LMCD1: variants seen among roughly 807,000 people sequenced by gnomAD.
LMCD1 encodes LIM and cysteine rich domains 1.
In LMCD1, 32 loss-of-function variants were observed where a neutral mutation model predicts 42.7. That is an observed-to-expected ratio of 0.75 (90% confidence interval 0.57 to 1.01). The LOEUF (loss-of-function observed/expected upper bound fraction) is 1.01, where lower values mean the gene tolerates loss of function less well. Ranked by LOEUF, LMCD1 falls within the 50% of genes least tolerant of loss-of-function variation. LMCD1 has a pLI of 0.00. For synonymous variants in LMCD1, 178 were observed against 184.9 expected (o/e 0.96, Z 0.30); for missense variants, 458 against 483.1 (o/e 0.95, Z 0.49).
Position 8,570,439 on chromosome 3 carries a change from C to T in LMCD1, c.*2841C>T, listed in dbSNP as rs1055214651. 6.6e-6 allele frequency: 1 copy of T among 152,364 alleles called. No homozygotes were observed. Among genetic ancestry groups the T allele is most frequent in the Non-Finnish European group, 1.5e-5 (1 of 68,140 alleles). 9.4% of individuals were successfully genotyped at this position (152,364 alleles called of 1,614,324 possible). ...CACCATCATGGATGGGCATTATCTC[C>T]CACAACAGTCCCCATGGGGCACCAC... On this transcript the variant is annotated 3_prime_UTR_variant, in exon 6 of 6. Transcript: ENST00000157600.
chr3:8,545,188 C>T (rs1319362350), intron 3 of LMCD1, among the ~76,000 whole-genome samples: 2 of 151,988 alleles, frequency 1.3e-5, no homozygotes, highest in African/African-American at 2.4e-5. Flanking sequence ...TTTAATTATA[C>T]TTTTCTAAGA....
intron 4 of LMCD1, among the ~76,000 whole-genome samples, chr3:8,551,624 C>G (rs1265013173): frequency 6.6e-6 from 1 of 152,200 alleles, no homozygotes; most frequent in African/African-American, 2.4e-5. Context: ...CCTTATTTAA[C>G]TCCCTTTTTA....
In LMCD1 at chr3:8,568,330, A is replaced by G. The variant is rs1347324870; in HGVS notation, c.*732A>G. The G allele has an allele frequency of 6.6e-6, 1 of 152,200 alleles. No homozygotes were observed. Among genetic ancestry groups the G allele is most frequent in the Non-Finnish European group, 1.5e-5 (1 of 68,060 alleles). The allele number at this position is 152,200 out of a possible 1,614,324, so 9.4% of individuals were successfully genotyped here. A position where few individuals can be genotyped will look rare whatever the true frequency, so the allele number is the denominator to read the frequency against. On this transcript the variant is annotated 3_prime_UTR_variant, in exon 6 of 6. Transcript: ENST00000157600. ...TAATGTAACAAAGGTATCATGTTTTATGGTACACTGAAAAGTGGCCTGCTG... is the reference window on the plus strand; with the variant it reads ...TAATGTAACAAAGGTATCATGTTTTGTGGTACACTGAAAAGTGGCCTGCTG...
intron 4 of LMCD1, among the ~76,000 whole-genome samples, chr3:8,564,936 G>C (rs1368602713): frequency 2.6e-5 from 4 of 152,186 alleles, no homozygotes; most frequent in Non-Finnish European, 4.4e-5. Context: ...AGTCATTGAA[G>C]AGATTTGCAG....
intron 1 of LMCD1, among the ~76,000 whole-genome samples, chr3:8,517,500 GT>G: frequency 6.6e-6 from 1 of 152,302 alleles, no homozygotes; most frequent in South Asian, 2.1e-4. Flanking sequence ...TGTTTTCAGT[GT>G]TCCAGAAGTT....
intron 1 of LMCD1, chr3:8,514,912 C>G (rs1373072959): frequency 2.2e-6 from 1 of 455,616 alleles, no homozygotes; most frequent in African/African-American, 2.0e-5. Context: ...AAATATTCTA[C>G]GTGTTTATCT....
intron 3 of LMCD1, among the ~76,000 whole-genome samples, chr3:8,541,508 C>T (rs1417127000): frequency 1.3e-5 from 2 of 152,144 alleles, no homozygotes; most frequent in East Asian, 3.9e-4. Context: ...GAGATTGTGC[C>T]ACTGCACTCC....
intron 4 of LMCD1, among the ~76,000 whole-genome samples, chr3:8,557,190 C>T (rs974435086): frequency 5.9e-5 from 9 of 152,112 alleles, no homozygotes; most frequent in African/African-American, 2.2e-4. Context: ...GGAAACAGAA[C>T]TCAAGAGAGC....
rs537302738 is a variant in LMCD1 at position 8,528,359 on chromosome 3, T to G, written c.43-4378T>G. Among the ~76,000 whole-genome samples the G allele has an allele frequency of 1.7e-3, 259 of 152,106 alleles. 3 individuals carry two copies. Among genetic ancestry groups the G allele is most frequent in the Middle Eastern group, 0.017 (5 of 294 alleles). ...CACATACTACCACACCTAGTTTTTT[T>G]TTGTTGTTGTTTTCCTGTAGGGATT... On this transcript the variant is annotated intron_variant, in intron 1 of 5. Coordinates refer to ENST00000157600, the MANE Select transcript of LMCD1 (RefSeq NM_014583.4).
At chr3:8,559,641 G>T (rs1450891339) in intron 4 of LMCD1, among the ~76,000 whole-genome samples, 11 of 152,206 alleles carry the variant, frequency 7.2e-5, no homozygotes, top group African/African-American at 2.7e-4. Context: ...AAAGGGCCAG[G>T]ATGATGAGAC....
intron 2 of LMCD1, among the ~76,000 whole-genome samples, chr3:8,535,894 A>G (rs1694498819): frequency 6.6e-6 from 1 of 152,194 alleles, no homozygotes; most frequent in African/African-American, 2.4e-5. Flanking sequence ...TAGAATGTTT[A>G]CAGCATCCCT....
At chr3:8,528,879 C>T (rs977921206) in intron 1 of LMCD1, among the ~76,000 whole-genome samples, 2 of 152,112 alleles carry the variant, frequency 1.3e-5, no homozygotes, top group African/African-American at 4.8e-5. Flanking sequence ...TAATCTAAGT[C>T]CTTTTAAGTC....
chr3:8,548,436 CTG>C (rs781732219), intron 3 of LMCD1, 130 bp from the exon 4 acceptor site: 6 of 536,674 alleles, frequency 1.1e-5, no homozygotes, highest in African/African-American at 1.9e-5. Flanking sequence ...AAAATAAAGA[CTG>C]TGGGTCTTTC....
chr3:8,527,548 C>A (rs1041296763), intron 1 of LMCD1, among the ~76,000 whole-genome samples: 1 of 152,170 alleles, frequency 6.6e-6, no homozygotes, highest in Non-Finnish European at 1.5e-5. Flanking sequence ...TTTTATTCCA[C>A]TCAACCCATC....
In LMCD1 at chr3:8,565,464, T is replaced by A; in HGVS notation, c.756T>A (p.Pro252=). 1 of 1,614,180 alleles carries A rather than the reference T, an allele frequency of 6.2e-7. No individual in the cohort carries two copies. The highest frequency in any genetic ancestry group is 8.5e-7 in the Non-Finnish European group (1 of 1,180,032). ...AGCTCTGCAAGGGAGCGGCCCCTCCTGACAGCCCCGTGGTCTACTCGGACA... is the reference window on the plus strand; with the variant it reads ...AGCTCTGCAAGGGAGCGGCCCCTCCAGACAGCCCCGTGGTCTACTCGGACA... ...VCELCKGAAP[P]DSPVVYSDRA... is the part of the protein sequence containing the mutation. Residue 252 remains proline (P), a synonymous_variant, in exon 5 of 6, where the codon CCT becomes CCA. Transcript: ENST00000157600.
At chr3:8,522,340 A>G (rs1694222218) in intron 1 of LMCD1, among the ~76,000 whole-genome samples, 1 of 152,134 alleles carries the variant, frequency 6.6e-6, no homozygotes, top group Non-Finnish European at 1.5e-5. Flanking sequence ...TGGAGACTGC[A>G]GCGGGGAGGA....
In LMCD1 at chr3:8,549,716, A is replaced by G. The variant is rs897432685; in HGVS notation, c.723+813A>G. The stretch of plus-strand genomic sequence containing the variant: ...TTTATAAAGAAAAGGAATGTATTTC[A>G]TACATCTGTGGAGGCTGAGAAGTCC... On this transcript the variant is annotated intron_variant, in intron 4 of 5. Coordinates refer to ENST00000157600, the MANE Select transcript of LMCD1 (RefSeq NM_014583.4). Among the ~76,000 whole-genome samples the G allele has an allele frequency of 6.6e-5, 10 of 152,144 alleles. 1 individual carries two copies. Among genetic ancestry groups the G allele is most frequent in the Non-Finnish European group, 1.0e-4 (7 of 68,028 alleles).
At chr3:8,514,519 A>G (rs1694063660) in intron 1 of LMCD1, among the ~76,000 whole-genome samples, 1 of 152,222 alleles carries the variant, frequency 6.6e-6, no homozygotes. Context: ...GTGTATGTCC[A>G]AAAGAAAGGA....
At chr3:8,559,694 C>G (rs1694995553) in intron 4 of LMCD1, among the ~76,000 whole-genome samples, 1 of 152,220 alleles carries the variant, frequency 6.6e-6, no homozygotes, top group Admixed American at 6.5e-5. Flanking sequence ...TAGCTTGTCT[C>G]TCGTGGCTGA....
Sources: gnomAD v4.1 joint callset for allele counts (sites outside exome capture counted in the v4.1 genomes callset) on GRCh38, gnomAD v4.1.1 for gene constraint, MANE v1.5 for transcripts, NCBI Gene and HGNC (gene_info 2026-07-23, HGNC 2026-07-21) for gene names.